The following NPLOC4 variants were observed in gnomAD, a reference collection of about 807,000 sequenced individuals.
NPLOC4 encodes the protein nuclear protein localization protein 4 homolog.
Under a neutral mutation model 80.6 loss-of-function variants are expected in NPLOC4, and 18 were observed. The observed-to-expected ratio is 0.22, with a 90% confidence interval of 0.15 to 0.33. The LOEUF (loss-of-function observed/expected upper bound fraction) is 0.33. Ranked by LOEUF, NPLOC4 falls within the 10% of genes least tolerant of loss-of-function variation. The pLI, the probability that NPLOC4 is intolerant of heterozygous loss-of-function variation, is 1.00. For synonymous variants in NPLOC4, 313 were observed against 301.5 expected, an observed-to-expected ratio of 1.04 and a Z score of -0.39; for missense variants, 540 against 786.1, an observed-to-expected ratio of 0.69 and a Z score of 3.74.
intron 11 of NPLOC4, among the ~76,000 whole-genome samples, chr17:81,590,127 G>A (rs995971885): frequency 3.9e-5 from 6 of 152,118 alleles, no homozygotes; most frequent in African/African-American, 7.2e-5. Context: ...AAACCTACAC[G>A]GCCGCCACAC....
chr17:81,618,183 C>T (rs1394130480), intron 3 of NPLOC4, among the ~76,000 whole-genome samples: 44 of 151,752 alleles, frequency 2.9e-4, no homozygotes, highest in African/African-American at 9.9e-4. Context: ...AGCGTCTCTG[C>T]CCGGCCGCCA....
chr17:81,568,406 A>T (rs913524453), intron 14 of NPLOC4, among the ~76,000 whole-genome samples: 6 of 152,278 alleles, frequency 3.9e-5, no homozygotes, highest in African/African-American at 1.4e-4. Context: ...GGATCAAAGC[A>T]TAGAAGAAGC....
At chr17:81,635,081 C>G (rs1312143292) in intron 1 of NPLOC4, among the ~76,000 whole-genome samples, 1 of 151,786 alleles carries the variant, frequency 6.6e-6, no homozygotes. Context: ...GTGGCTTATG[C>G]CTGTAATCCC....
chr17:81,617,300 G>C (rs964200995), intron 3 of NPLOC4, among the ~76,000 whole-genome samples: 1 of 152,186 alleles, frequency 6.6e-6, no homozygotes, highest in African/African-American at 2.4e-5. Flanking sequence ...TTGAGACAGG[G>C]TCTTGCTCTG....
intron 3 of NPLOC4, among the ~76,000 whole-genome samples, chr17:81,620,784 G>A (rs1293618614): frequency 3.3e-5 from 5 of 152,188 alleles, no homozygotes; most frequent in Non-Finnish European, 7.3e-5. Context: ...CTGGAACAGA[G>A]AGTGTGCACT....
chr17:81,565,946 T>C (rs1166231267), intron 15 of NPLOC4, among the ~76,000 whole-genome samples: 2 of 152,184 alleles, frequency 1.3e-5, no homozygotes, highest in Non-Finnish European at 2.9e-5. Flanking sequence ...AGACGTGTCC[T>C]CCTCCCTCAC....
intron 3 of NPLOC4, among the ~76,000 whole-genome samples, chr17:81,614,858 T>C (rs1344681282): frequency 1.3e-5 from 2 of 152,136 alleles, no homozygotes; most frequent in East Asian, 3.9e-4. Context: ...GCATGTCCTC[T>C]GACAGATATC....
At chr17:81,627,862 G>A (rs528608201) in intron 2 of NPLOC4, among the ~76,000 whole-genome samples, 1 of 152,152 alleles carries the variant, frequency 6.6e-6, no homozygotes, top group Admixed American at 6.6e-5. Context: ...CTGGAACCCA[G>A]GAGGCGGAGG....
intron 2 of NPLOC4, among the ~76,000 whole-genome samples, chr17:81,627,438 A>T (rs2035825139): frequency 6.6e-6 from 1 of 151,226 alleles, no homozygotes; most frequent in South Asian, 2.1e-4. Flanking sequence ...ATGAACTGTC[A>T]ACTCAGAAAT....
At chr17:81,621,887 G>C (rs942989837) in intron 3 of NPLOC4, among the ~76,000 whole-genome samples, 1 of 152,204 alleles carries the variant, frequency 6.6e-6, no homozygotes, top group East Asian at 1.9e-4. Flanking sequence ...TGAGTATGCA[G>C]CTCACTCCAC....
At chr17:81,617,017 C>T (rs9748176) in intron 3 of NPLOC4, among the ~76,000 whole-genome samples, 31 of 152,048 alleles carry the variant, frequency 2.0e-4, no homozygotes, top group Middle Eastern at 6.8e-3. Flanking sequence ...CAGGTCCCAC[C>T]GATGCATCTA....
intron 12 of NPLOC4, among the ~76,000 whole-genome samples, chr17:81,576,782 C>G (rs1192495146): frequency 6.6e-6 from 1 of 152,148 alleles, no homozygotes; most frequent in Admixed American, 6.5e-5. Flanking sequence ...TCAGTAAACA[C>G]AGGAGACTCC....
intron 5 of NPLOC4, among the ~76,000 whole-genome samples, chr17:81,609,558 C>CCCTG (rs1422347295): frequency 2.0e-5 from 3 of 152,226 alleles, no homozygotes; most frequent in Non-Finnish European, 2.9e-5. Flanking sequence ...GATCCTCTGG[C>CCCTG]CCTGGCCTCC....
At position 81,570,935 on chromosome 17, in the gene NPLOC4, AT is replaced by A. The variant is rs554717345; in HGVS notation, c.1353+1081del. ...CTAAGGCAAAAACTTAACTTCCTTT[AT>A]AAAAGAAGAGGAAAGAAGTGGGGAG... On this transcript the variant is annotated intron_variant, in intron 13 of 16. Transcript: ENST00000331134. Among the ~76,000 whole-genome samples, 456 of 147,930 alleles carry A rather than the reference AT, an allele frequency of 3.1e-3. 1 individual carries two copies. Among genetic ancestry groups the A allele is most frequent in the African/African-American group, 0.011 (425 of 39,730 alleles).
Position 81,610,253 on chromosome 17 carries a change from C to A in NPLOC4, c.392G>T (p.Arg131Leu). Residue 131 changes from arginine (R) to leucine (L), a missense_variant, in exon 5 of 17, where the codon CGC (arginine) becomes CTC (leucine). Arg to Leu is a moderately radical substitution (Grantham distance 102, BLOSUM62 -2). Transcript: ENST00000331134. Reference sequence around the variant, plus strand: ...CACGCATTTCCCCAAAGGGCCGTGGCGGCATCTGAGGAGAGTACAAGGCAG... The same window carrying A: ...CACGCATTTCCCCAAAGGGCCGTGGAGGCATCTGAGGAGAGTACAAGGCAG... ...IYRSRDPQLC[R>L]HGPLGKCVHC... The A allele has an allele frequency of 6.4e-7, 1 of 1,571,932 alleles. No individual in the cohort carries two copies. The highest frequency in any genetic ancestry group is 1.9e-5 in the Admixed American group (1 of 53,316).
chr17:81,612,256 G>A (rs1358719925), intron 4 of NPLOC4, among the ~76,000 whole-genome samples: 2 of 152,174 alleles, frequency 1.3e-5, no homozygotes, highest in Non-Finnish European at 2.9e-5. Flanking sequence ...AGTGGGGTCA[G>A]AATTCTTACA....
chr17:81,575,608 G>A (rs1437329763), intron 12 of NPLOC4, among the ~76,000 whole-genome samples: 1 of 152,178 alleles, frequency 6.6e-6, no homozygotes, highest in East Asian at 1.9e-4. Flanking sequence ...AAAGCAATCG[G>A]CAAGGACAGC....
At position 81,569,296 on chromosome 17, in the gene NPLOC4, A is replaced by T. The variant is rs3922945; in HGVS notation, c.1354-185T>A. Among the ~76,000 whole-genome samples, 4 of 152,322 alleles carry T rather than the reference A, an allele frequency of 2.6e-5. No homozygotes were observed. In the East Asian group the frequency reaches 7.7e-4, roughly 29 times the overall value. On this transcript the variant is annotated intron_variant, in intron 13 of 16. Transcript: ENST00000331134. The stretch of plus-strand genomic sequence containing the variant: ...TGTCATCTCTAAACGAACACTTGGA[A>T]ACTCCGCCATCCTGGAGACAAACTA...
At position 81,610,115 on chromosome 17, in the gene NPLOC4, C is replaced by T. The variant is rs965395465; in HGVS notation, c.435+95G>A. On this transcript the variant is annotated intron_variant, in intron 5 of 16. Transcript: ENST00000331134. ...GGTAAGTTCTTTGAACCACTCACTA[C>T]AGCCAAGTGCGTGGACTCAGGGCAA... 1.2e-5 allele frequency: 13 copies of T among 1,126,064 alleles called. 1 individual carries two copies. The highest frequency in any genetic ancestry group is 4.0e-4 in the Middle Eastern group (2 of 4,976). 69.8% of individuals were successfully genotyped at this position (1,126,064 alleles called of 1,614,324 possible).
Sources: allele counts gnomAD v4.1 joint callset (sites outside exome capture counted in the v4.1 genomes callset), GRCh38; gene constraint gnomAD v4.1.1; transcripts MANE v1.5; gene names NCBI Gene and HGNC (gene_info 2026-07-23, HGNC 2026-07-21).